The following CRB1 variants were observed in gnomAD, a reference collection of about 807,000 sequenced individuals.
CRB1 encodes protein crumbs homolog 1.
A neutral mutation model predicts 120.0 loss-of-function variants in CRB1; 83 were observed. The observed-to-expected ratio is 0.69, with a 90% CI of 0.58 to 0.83. The LOEUF (loss-of-function observed/expected upper bound fraction) is 0.83, where lower values mean the gene tolerates loss of function less well. CRB1 is among the 40% of genes least tolerant of loss of function. The probability of loss-of-function intolerance (pLI) is 0.00; values close to 1 mark genes in which losing one functional copy is unlikely to be tolerated. For missense variants in CRB1, 1,699 were observed against 1,687.6 expected (o/e 1.01, Z -0.12); for synonymous variants, 625 against 612.5 (o/e 1.02, Z -0.30).
At chr1:197,470,281 A>G (rs564893346) in intron 11 of CRB1, among the ~76,000 whole-genome samples, 2 of 152,278 alleles carry the variant, frequency 1.3e-5, no homozygotes, top group South Asian at 4.1e-4. Context: ...TAGACTTCAC[A>G]TGGTACTGAA....
chr1:197,314,328 T>C (rs1657719368), intron 1 of CRB1, among the ~76,000 whole-genome samples: 1 of 152,252 alleles, frequency 6.6e-6, no homozygotes, highest in African/African-American at 2.4e-5. Flanking sequence ...TTATTCTTCA[T>C]TTCAGATATT....
At chr1:197,203,470 G>A in the CRB1 span, among the ~76,000 whole-genome samples, 2 of 152,004 alleles carry the variant, frequency 1.3e-5, no homozygotes, top group Admixed American at 1.3e-4. Context: ...GACTACAGGC[G>A]CATGCTACCA....
chr1:197,437,405 T>C (rs781052733), intron 9 of CRB1, among the ~76,000 whole-genome samples: 1 of 152,158 alleles, frequency 6.6e-6, no homozygotes, highest in South Asian at 2.1e-4. Context: ...TATATTTCAC[T>C]GTGAATTTTG....
chr1:197,424,543 G>A (rs1664486413), intron 6 of CRB1, among the ~76,000 whole-genome samples: 1 of 152,076 alleles, frequency 6.6e-6, no homozygotes, highest in Non-Finnish European at 1.5e-5. Flanking sequence ...TTCCTTCTAA[G>A]ATGTGATGTC....
At chr1:197,452,998 G>A (rs1430980979) in intron 11 of CRB1, among the ~76,000 whole-genome samples, 4 of 151,960 alleles carry the variant, frequency 2.6e-5, no homozygotes, top group Non-Finnish European at 5.9e-5. Flanking sequence ...TTCAGCGAAG[G>A]ATAAATGAAT....
rs10679172 is a variant in CRB1, at chr1:197,460,001, CTTTTT to C, written c.4006-17645_4006-17641del. On this transcript the variant is annotated intron_variant, in intron 11 of 11. Coordinates refer to ENST00000367400, the MANE Select transcript of CRB1 (RefSeq NM_201253.3). ...AGTAAGTCTTGCTTTAAGCCCCCCTCTTTTTTTTTTTTTTTTTTTTTTACTTCACT... is the reference window on the plus strand; with the variant it reads ...AGTAAGTCTTGCTTTAAGCCCCCCTCTTTTTTTTTTTTTTTTTACTTCACT... 5.3e-4 allele frequency among the ~76,000 whole-genome samples: 40 copies of C among 75,650 alleles called. No individual in the cohort carries two copies. In the East Asian group the frequency reaches 0.017, roughly 33 times the overall value. The allele number at this position is 75,650 out of a possible 152,430, so 49.6% of individuals were successfully genotyped here.
chr1:197,271,632 G>T lies in CRB1; in HGVS notation c.70+3150G>T, dbSNP rs181993623. ...AGAAGAGCTATTATTTTTTGCTTCT[G>T]ATGTATTAAAAGAGAAACTTATTAG... On this transcript the variant is annotated intron_variant, in intron 1 of 11. Coordinates refer to ENST00000367400, the MANE Select transcript of CRB1 (RefSeq NM_201253.3). Among the ~76,000 whole-genome samples, 295 of 152,180 alleles carry T rather than the reference G, an allele frequency of 1.9e-3. 1 individual carries two copies. The highest frequency in any genetic ancestry group is 3.7e-3 in the Non-Finnish European group (252 of 67,992).
At chr1:197,257,680 G>T in the CRB1 span, among the ~76,000 whole-genome samples, 2 of 152,104 alleles carry the variant, frequency 1.3e-5, no homozygotes, top group Non-Finnish European at 2.9e-5. Flanking sequence ...CATTTCATCT[G>T]TTTCTCTACC....
intron 5 of CRB1, among the ~76,000 whole-genome samples, chr1:197,397,550 TGATAAGA>T (rs1662833803): frequency 6.6e-6 from 1 of 152,138 alleles, no homozygotes; most frequent in Non-Finnish European, 1.5e-5. Context: ...TTCGAAAACC[TGATAAGA>T]ACCCAAATCT....
At chr1:197,257,785 T>C in the CRB1 span, among the ~76,000 whole-genome samples, 1 of 152,224 alleles carries the variant, frequency 6.6e-6, no homozygotes, top group African/African-American at 2.4e-5. Flanking sequence ...TCTCTAAGCA[T>C]TGCTTATAAG....
chr1:197,380,765 T>A (rs1393924016), intron 5 of CRB1, among the ~76,000 whole-genome samples: 2 of 152,158 alleles, frequency 1.3e-5, no homozygotes, highest in African/African-American at 4.8e-5. Flanking sequence ...CTGAAGCCTT[T>A]TTTGCCTTTG....
In CRB1 at chr1:197,421,292, T is replaced by G. The variant is rs1664298687; in HGVS notation, c.1464T>G (p.Phe488Leu). The G allele has an allele frequency of 1.2e-6, 2 of 1,614,088 alleles. No individual in the cohort carries two copies. Among genetic ancestry groups the G allele is most frequent in the South Asian group, 2.2e-5 (2 of 91,078 alleles). ...GTGAAATCGCAACCACACTTTCATT[T>G]GAGGGCGATGGCTTCCTGTGGGTCA... ...SLCEIATTLS[F>L]EGDGFLWVKS... Residue 488 changes from phenylalanine (F) to leucine (L), a missense_variant, in exon 6 of 12, where the codon TTT (phenylalanine) becomes TTG (leucine). Phe to Leu is a conservative substitution (Grantham distance 22, BLOSUM62 0). Transcript: ENST00000367400.
At chr1:197,404,752 A>G (rs981837519) in intron 5 of CRB1, among the ~76,000 whole-genome samples, 2 of 152,194 alleles carry the variant, frequency 1.3e-5, no homozygotes, top group Admixed American at 6.5e-5. Flanking sequence ...TGTTGTTTAC[A>G]TGTTTCAAAC....
the CRB1 span, among the ~76,000 whole-genome samples, chr1:197,216,844 A>G: frequency 2.0e-5 from 3 of 152,168 alleles, no homozygotes; most frequent in Non-Finnish European, 4.4e-5. Context: ...TTACTCTATG[A>G]TCTTCAGAGA....
rs1268723258 is a variant in CRB1, at chr1:197,371,995, T to A, written c.1171+14982T>A. On this transcript the variant is annotated intron_variant, in intron 5 of 11. Coordinates refer to ENST00000367400, the MANE Select transcript of CRB1 (RefSeq NM_201253.3). Reference sequence around the variant, plus strand: ...ATGAGTTGCTTCTTCCAGCAATCCATCCCATGACCCCACTTGTTCTTGGCT... The same window carrying A: ...ATGAGTTGCTTCTTCCAGCAATCCAACCCATGACCCCACTTGTTCTTGGCT... Among the ~76,000 whole-genome samples, 6 of 152,066 alleles carry A rather than the reference T, an allele frequency of 3.9e-5. No homozygotes were observed. In the East Asian group the frequency reaches 1.2e-3, roughly 29 times the overall value.
chr1:197,323,314 A>G (rs1471421018), intron 1 of CRB1, among the ~76,000 whole-genome samples: 1 of 152,206 alleles, frequency 6.6e-6, no homozygotes, highest in African/African-American at 2.4e-5. Context: ...TTGTGTAGCT[A>G]AATTTTCCTG....
At chr1:197,447,982 T>A (rs1001299035) in intron 11 of CRB1, among the ~76,000 whole-genome samples, 8 of 152,112 alleles carry the variant, frequency 5.3e-5, no homozygotes, top group African/African-American at 1.9e-4. Context: ...CCACATATAA[T>A]CCACTGATAG....
chr1:197,324,479 T>G (rs1390713300), intron 1 of CRB1, among the ~76,000 whole-genome samples: 1 of 152,194 alleles, frequency 6.6e-6, no homozygotes, highest in Non-Finnish European at 1.5e-5. Context: ...TTTATGTGTA[T>G]TATCTCTTTT....
intron 5 of CRB1, among the ~76,000 whole-genome samples, chr1:197,386,108 T>G (rs938368300): frequency 6.6e-6 from 1 of 151,928 alleles, no homozygotes; most frequent in African/African-American, 2.4e-5. Context: ...CCCCCAGTAG[T>G]GGGGGGTAAA....
Sources: allele counts gnomAD v4.1 joint callset (sites outside exome capture counted in the v4.1 genomes callset), GRCh38; gene constraint gnomAD v4.1.1; transcripts MANE v1.5; gene names NCBI Gene and HGNC (gene_info 2026-07-23, HGNC 2026-07-21).